Variants in SKAP2 observed in about 807,000 individuals in gnomAD.
SKAP2 encodes src kinase-associated phosphoprotein 2.
A neutral mutation model predicts 54.9 loss-of-function variants in SKAP2; 28 were observed. The ratio of observed to expected loss-of-function variants is 0.51; its 90% confidence interval spans 0.38 to 0.70. The LOEUF (loss-of-function observed/expected upper bound fraction) is 0.70. SKAP2 is among the 30% of genes least tolerant of loss of function. The pLI is 0.00. For synonymous variants in SKAP2, 137 were observed against 134.3 expected, an observed-to-expected ratio of 1.02 and a Z score of -0.14; for missense variants, 356 against 424.1, an observed-to-expected ratio of 0.84 and a Z score of 1.41.
At chr7:26,708,889 TAATTG>T in intron 9 of SKAP2, among the ~76,000 whole-genome samples, 1 of 152,362 alleles carries the variant, frequency 6.6e-6, no homozygotes, top group Middle Eastern at 3.4e-3. Context: ...GTTGCATGAA[TAATTG>T]AATTGCTTAC....
At chr7:26,765,279 T>C (rs1338553062) in intron 4 of SKAP2, among the ~76,000 whole-genome samples, 1 of 152,242 alleles carries the variant, frequency 6.6e-6, no homozygotes, top group Non-Finnish European at 1.5e-5. Flanking sequence ...ATATGTCTTC[T>C]TTTGAGAAGT....
chr7:26,751,560 C>G (rs1441570795), intron 4 of SKAP2, among the ~76,000 whole-genome samples: 2 of 151,950 alleles, frequency 1.3e-5, no homozygotes, highest in Admixed American at 1.3e-4. Flanking sequence ...GGCATTTTCC[C>G]TCTTCTGTCA....
chr7:26,772,616 C>T (rs1453889198), intron 4 of SKAP2, among the ~76,000 whole-genome samples: 1 of 152,158 alleles, frequency 6.6e-6, no homozygotes, highest in African/African-American at 2.4e-5. Context: ...TTTCTTTATC[C>T]AGTCCACTGT....
chr7:26,779,004 G>A (rs1783370638), intron 4 of SKAP2, among the ~76,000 whole-genome samples: 1 of 151,922 alleles, frequency 6.6e-6, no homozygotes, highest in Non-Finnish European at 1.5e-5. Context: ...GACTCAGTAA[G>A]TTAAGCCCAC....
At chr7:26,771,927 T>C (rs1474939033) in intron 4 of SKAP2, among the ~76,000 whole-genome samples, 2 of 152,218 alleles carry the variant, frequency 1.3e-5, no homozygotes, top group Non-Finnish European at 2.9e-5. Flanking sequence ...GCACAAACTA[T>C]CTGAGGGCAG....
At chr7:26,750,581 G>A (rs1782660123) in intron 4 of SKAP2, among the ~76,000 whole-genome samples, 1 of 152,000 alleles carries the variant, frequency 6.6e-6, no homozygotes, top group Non-Finnish European at 1.5e-5. Flanking sequence ...AAAGTGCTAG[G>A]ATTATAGGTG....
chr7:26,694,459 G>T (rs1326418730), intron 9 of SKAP2, among the ~76,000 whole-genome samples: 1 of 136,038 alleles, frequency 7.4e-6, no homozygotes, highest in East Asian at 2.1e-4. Context: ...ATCATCAGGA[G>T]ATTTTTTTTT....
At chr7:26,805,103 T>C (rs1783998505) in intron 4 of SKAP2, among the ~76,000 whole-genome samples, 1 of 152,124 alleles carries the variant, frequency 6.6e-6, no homozygotes. Flanking sequence ...TGGTGAGCAA[T>C]TATATTCCCA....
intron 9 of SKAP2, among the ~76,000 whole-genome samples, chr7:26,721,528 T>A (rs912925353): frequency 6.6e-6 from 1 of 152,114 alleles, no homozygotes; most frequent in African/African-American, 2.4e-5. Flanking sequence ...GTTCAATCTG[T>A]CATTGTAATT....
intron 4 of SKAP2, among the ~76,000 whole-genome samples, chr7:26,755,221 T>C (rs1387887803): frequency 6.6e-6 from 1 of 150,922 alleles, no homozygotes; most frequent in Non-Finnish European, 1.5e-5. Flanking sequence ...ATGGTTCTAA[T>C]GTACTTTTAC....
intron 6 of SKAP2, among the ~76,000 whole-genome samples, chr7:26,728,159 ACAAT>A (rs1417978256): frequency 2.0e-5 from 3 of 152,182 alleles, no homozygotes; most frequent in African/African-American, 7.2e-5. Context: ...GTCTAAAGAA[ACAAT>A]CAAAGTTTAT....
At position 26,853,789 on chromosome 7, in the gene SKAP2, G is replaced by A. The variant is rs555423888; in HGVS notation, c.199+348C>T. ...AATCTCTGCAGTGTTAAATGGCAGT[G>A]GGTTAGTATCTCACCTCTGCTTCAC... On this transcript the variant is annotated intron_variant, in intron 3 of 12. Coordinates refer to ENST00000345317, the MANE Select transcript of SKAP2 (RefSeq NM_003930.5). Among the ~76,000 whole-genome samples, 3 of 152,234 alleles carry A rather than the reference G, an allele frequency of 2.0e-5. No individual in the cohort carries two copies. The East Asian group carries it at 5.8e-4, about 29-fold the overall frequency.
chr7:26,780,861 G>T (rs1344221770), intron 4 of SKAP2, among the ~76,000 whole-genome samples: 2 of 151,934 alleles, frequency 1.3e-5, no homozygotes, highest in Admixed American at 6.6e-5. Flanking sequence ...ACTTGCTCCA[G>T]TCCAACATAC....
chr7:26,750,835 T>C (rs1782664708), intron 4 of SKAP2, among the ~76,000 whole-genome samples: 1 of 152,182 alleles, frequency 6.6e-6, no homozygotes, highest in Non-Finnish European at 1.5e-5. Flanking sequence ...AAGAAATGAA[T>C]ATAATTTAGA....
chr7:26,786,736 T>C (rs1388228444), intron 4 of SKAP2, among the ~76,000 whole-genome samples: 1 of 152,238 alleles, frequency 6.6e-6, no homozygotes, highest in Non-Finnish European at 1.5e-5. Flanking sequence ...TATCTCAGTC[T>C]GTATCTAAAC....
the SKAP2 span, among the ~76,000 whole-genome samples, chr7:26,655,056 G>A: frequency 6.6e-6 from 1 of 152,170 alleles, no homozygotes; most frequent in African/African-American, 2.4e-5. Context: ...TTGAAATCCT[G>A]TGCCTACTAT....
intron 4 of SKAP2, among the ~76,000 whole-genome samples, chr7:26,752,092 A>T (rs1423492890): frequency 6.6e-6 from 1 of 152,154 alleles, no homozygotes; most frequent in Non-Finnish European, 1.5e-5. Context: ...ATTAGAAGTC[A>T]GGGTGGAACA....
chr7:26,690,388 C>A (rs1326115177), intron 9 of SKAP2, 26 bp from the exon 10 acceptor site: 1 of 1,499,948 alleles, frequency 6.7e-7, no homozygotes, highest in Non-Finnish European at 9.3e-7. Flanking sequence ...ATCAATGGCA[C>A]ATTGAAGGGT....
At chr7:26,738,241 T>C (rs1028694424) in intron 6 of SKAP2, among the ~76,000 whole-genome samples, 2 of 152,226 alleles carry the variant, frequency 1.3e-5, no homozygotes, top group Non-Finnish European at 2.9e-5. Context: ...GTGCTAATAA[T>C]AGTACTTACA....
Sources: gnomAD v4.1 joint callset for allele counts (sites outside exome capture counted in the v4.1 genomes callset) on GRCh38, gnomAD v4.1.1 for gene constraint, MANE v1.5 for transcripts, NCBI Gene and HGNC (gene_info 2026-07-23, HGNC 2026-07-21) for gene names.